Variants in DLGAP2 observed in about 807,000 individuals in gnomAD.
DLGAP2 encodes DLG associated protein 2.
DLGAP2 carries 26 observed loss-of-function variants against 100.3 expected under a neutral mutation model. That is an observed-to-expected ratio of 0.26 (90% CI 0.19 to 0.36). The LOEUF (loss-of-function observed/expected upper bound fraction) is 0.36. Among genes scored for constraint, DLGAP2 ranks in the 10% least tolerant of loss-of-function variants. The probability of loss-of-function intolerance (pLI) is 1.00; values close to 1 mark genes in which losing one functional copy is unlikely to be tolerated. For missense variants in DLGAP2, 1,858 were observed against 1,453.2 expected, an observed-to-expected ratio of 1.28 and a Z score of -4.53; for synonymous variants, 886 against 630.1, an observed-to-expected ratio of 1.41 and a Z score of -6.08.
In DLGAP2 at chr8:1,203,897, A is replaced by G. The variant is rs527824812; in HGVS notation, c.74-54954A>G. Among the ~76,000 whole-genome samples the G allele has an allele frequency of 3.6e-4, 54 of 148,800 alleles. No individual in the cohort carries two copies. The South Asian group carries it at 3.7e-3, about 10-fold the overall frequency. ...GGGAGGAGTAGGAAGTGCCTGTATC[A>G]GGACTCAGCCTGACCACCTGTGAGC... On this transcript the variant is annotated intron_variant, in intron 2 of 14. Transcript: ENST00000637795.
chr8:943,774 G>T (rs1193949319), intron 2 of DLGAP2, among the ~76,000 whole-genome samples: 1 of 152,284 alleles, frequency 6.6e-6, no homozygotes, highest in Non-Finnish European at 1.5e-5. Context: ...ATGTGGAGGA[G>T]CTGGTAGTAA....
intron 1 of DLGAP2, among the ~76,000 whole-genome samples, chr8:865,425 G>A (rs1278906663): frequency 6.6e-6 from 1 of 152,132 alleles, no homozygotes; most frequent in Non-Finnish European, 1.5e-5. Context: ...CTTGATTTGC[G>A]GCGTCAGGTC....
chr8:1,294,005 C>A (rs971977356), intron 3 of DLGAP2, among the ~76,000 whole-genome samples: 11 of 152,204 alleles, frequency 7.2e-5, no homozygotes, highest in Non-Finnish European at 1.5e-4. Flanking sequence ...GTCTCGGAGC[C>A]CACACGTGAA....
intron 2 of DLGAP2, among the ~76,000 whole-genome samples, chr8:951,391 C>G (rs1444542034): frequency 2.0e-5 from 3 of 152,130 alleles, no homozygotes; most frequent in African/African-American, 7.2e-5. Context: ...ATTACAGGCA[C>G]CTGCCACCAC....
At chr8:1,256,026 C>T (rs529225670) in intron 2 of DLGAP2, among the ~76,000 whole-genome samples, 8 of 131,602 alleles carry the variant, frequency 6.1e-5, no homozygotes, top group African/African-American at 2.1e-4. Flanking sequence ...TGTGTCCTCT[C>T]CTGCCCGGGT....
chr8:1,134,763 A>C (rs528920961), intron 2 of DLGAP2, among the ~76,000 whole-genome samples: 36 of 152,244 alleles, frequency 2.4e-4, no homozygotes, highest in African/African-American at 5.8e-4. Context: ...GGCCCATATT[A>C]CGTGGCGGCA....
intron 2 of DLGAP2, among the ~76,000 whole-genome samples, chr8:950,753 C>G (rs1799459228): frequency 6.6e-6 from 1 of 151,630 alleles, no homozygotes; most frequent in Admixed American, 6.6e-5. Flanking sequence ...TCCCGAGTAG[C>G]TGGGATTACA....
intron 2 of DLGAP2, among the ~76,000 whole-genome samples, chr8:1,218,887 A>G (rs977819224): frequency 1.8e-4 from 27 of 152,152 alleles, no homozygotes; most frequent in African/African-American, 6.0e-4. Flanking sequence ...TTTTGTGACT[A>G]TTGTGAATGG....
intron 2 of DLGAP2, among the ~76,000 whole-genome samples, chr8:1,191,407 T>G (rs1340049570): frequency 6.6e-6 from 1 of 152,160 alleles, no homozygotes; most frequent in Non-Finnish European, 1.5e-5. Context: ...CCTGACCTTG[T>G]GATCTGCCCG....
At chr8:1,199,213 A>C (rs1436759112) in intron 2 of DLGAP2, among the ~76,000 whole-genome samples, 1 of 152,234 alleles carries the variant, frequency 6.6e-6, no homozygotes, top group Non-Finnish European at 1.5e-5. Context: ...AGATTTTAAT[A>C]TCTTCACTCA....
At chr8:1,361,683 A>T (rs921465348) in intron 3 of DLGAP2, among the ~76,000 whole-genome samples, 2 of 152,210 alleles carry the variant, frequency 1.3e-5, no homozygotes, top group African/African-American at 4.8e-5. Flanking sequence ...TACTAAATTG[A>T]TGTCAAGCAC....
chr8:1,585,660 C>G (rs888505385), intron 6 of DLGAP2, among the ~76,000 whole-genome samples: 22 of 152,200 alleles, frequency 1.4e-4, no homozygotes, highest in African/African-American at 5.1e-4. Context: ...GGAGACATCC[C>G]TAGAGATGCG....
intron 1 of DLGAP2, among the ~76,000 whole-genome samples, chr8:867,751 G>C (rs975276849): frequency 5.3e-5 from 8 of 152,182 alleles, no homozygotes; most frequent in African/African-American, 7.2e-5. Context: ...CGTAATTCCT[G>C]TTCATATTGG....
chr8:1,409,368 C>T (rs1423926467), intron 3 of DLGAP2, among the ~76,000 whole-genome samples: 3 of 152,002 alleles, frequency 2.0e-5, no homozygotes, highest in East Asian at 1.9e-4. Flanking sequence ...CCTTCCTCAC[C>T]GTAGGCGCCC....
At chr8:1,075,401 G>C (rs960779162) in intron 2 of DLGAP2, among the ~76,000 whole-genome samples, 1 of 152,046 alleles carries the variant, frequency 6.6e-6, no homozygotes, top group Admixed American at 6.6e-5. Context: ...GGCTGGTCAG[G>C]CTCCCAGAGC....
chr8:892,389 C>G (rs892001745), intron 1 of DLGAP2, among the ~76,000 whole-genome samples: 1 of 152,062 alleles, frequency 6.6e-6, no homozygotes, highest in African/African-American at 2.4e-5. Flanking sequence ...GAAATCCCGA[C>G]GAGGCTATGG....
intron 3 of DLGAP2, among the ~76,000 whole-genome samples, chr8:1,324,764 C>T (rs1800982533): frequency 6.6e-6 from 1 of 152,172 alleles, no homozygotes; most frequent in South Asian, 2.1e-4. Context: ...TTCCATGTTC[C>T]TGTCTTTCTT....
intron 2 of DLGAP2, among the ~76,000 whole-genome samples, chr8:1,012,884 C>A (rs1268609467): frequency 6.6e-6 from 1 of 152,070 alleles, no homozygotes; most frequent in Non-Finnish European, 1.5e-5. Context: ...GACCACTGTC[C>A]CATGAGTATG....
intron 6 of DLGAP2, among the ~76,000 whole-genome samples, chr8:1,580,143 G>C (rs1396806151): frequency 2.6e-5 from 4 of 152,176 alleles, no homozygotes; most frequent in Non-Finnish European, 5.9e-5. Flanking sequence ...TCAAGACACA[G>C]GGCAATCAAT....
Sources: gnomAD v4.1 joint callset for allele counts (sites outside exome capture counted in the v4.1 genomes callset) on GRCh38, gnomAD v4.1.1 for gene constraint, MANE v1.5 for transcripts, NCBI Gene and HGNC (gene_info 2026-07-23, HGNC 2026-07-21) for gene names.